The following INPP4B variants were observed in gnomAD, a reference collection of about 807,000 sequenced individuals.
INPP4B encodes inositol polyphosphate-4-phosphatase type II B.
INPP4B carries 55 observed loss-of-function variants against 122.5 expected under a neutral mutation model. That is an observed-to-expected ratio of 0.45 (90% confidence interval 0.36 to 0.56). The LOEUF is 0.56. INPP4B is among the 20% of genes least tolerant of loss of function. INPP4B has a pLI of 0.00. For synonymous variants in INPP4B, 403 were observed against 388.7 expected (o/e 1.04, Z -0.43); for missense variants, 1,000 against 1,097.7 (o/e 0.91, Z 1.26).
At chr4:142,267,280 G>A (rs1743284120) in intron 10 of INPP4B, among the ~76,000 whole-genome samples, 1 of 152,144 alleles carries the variant, frequency 6.6e-6, no homozygotes, top group Admixed American at 6.5e-5. Context: ...AACAAAACTG[G>A]AGGAATCATG....
chr4:142,780,876 C>T (rs1002954718), intron 1 of INPP4B, among the ~76,000 whole-genome samples: 1 of 152,106 alleles, frequency 6.6e-6, no homozygotes, highest in South Asian at 2.1e-4. Context: ...TAATATACTT[C>T]TCATAAAGGT....
intron 12 of INPP4B, among the ~76,000 whole-genome samples, chr4:142,209,787 C>G (rs1377910438): frequency 1.3e-5 from 1 of 75,800 alleles, no homozygotes; most frequent in Non-Finnish European, 2.4e-5. Flanking sequence ...AGTAAGACCC[C>G]GTCTCAAAAA....
In INPP4B at chr4:142,082,224, G is replaced by A. The variant is rs375734598; in HGVS notation, c.2488-39C>T. On this transcript the variant is annotated intron_variant, in intron 24 of 25. Coordinates refer to ENST00000262992, the MANE Select transcript of INPP4B (RefSeq NM_001101669.3). ...AAGAACGAACGTTTCTTGTTCATTT[G>A]TAATACCGTAAAGTGTCGGCCTCCT... is the stretch of plus-strand genomic sequence containing the variant. 19 of 1,464,464 alleles carry A rather than the reference G, an allele frequency of 1.3e-5. No homozygotes were observed. The Admixed American group carries it at 2.3e-4, about 18-fold the overall frequency. 90.7% of individuals were successfully genotyped at this position (1,464,464 alleles called of 1,614,324 possible). A position where few individuals can be genotyped will look rare whatever the true frequency, so the allele number is the denominator to read the frequency against.
chr4:142,790,664 A>T (rs1206034527), intron 1 of INPP4B, among the ~76,000 whole-genome samples: 1 of 151,348 alleles, frequency 6.6e-6, no homozygotes, highest in Non-Finnish European at 1.5e-5. Flanking sequence ...AACAAAAAAC[A>T]AAAACAAAAA....
chr4:142,129,713 C>T (rs1003166372), intron 18 of INPP4B, among the ~76,000 whole-genome samples: 1 of 152,172 alleles, frequency 6.6e-6, no homozygotes, highest in African/African-American at 2.4e-5. Context: ...CTTCTCCAAC[C>T]AAGCCTTCCT....
chr4:142,694,777 C>CT (rs1553992154), intron 2 of INPP4B, among the ~76,000 whole-genome samples: 1 of 152,118 alleles, frequency 6.6e-6, no homozygotes, highest in Non-Finnish European at 1.5e-5. Flanking sequence ...AGAGGGTTCA[C>CT]GCTGAGAAGA....
chr4:142,782,065 C>A (rs1206340620), intron 1 of INPP4B, among the ~76,000 whole-genome samples: 1 of 151,520 alleles, frequency 6.6e-6, no homozygotes, highest in Non-Finnish European at 1.5e-5. Flanking sequence ...ATGTGCCATG[C>A]TGGTGTGCTG....
At chr4:142,625,591 C>A (rs1198043146) in intron 2 of INPP4B, among the ~76,000 whole-genome samples, 1 of 152,064 alleles carries the variant, frequency 6.6e-6, no homozygotes, top group Non-Finnish European at 1.5e-5. Context: ...CCATCCCCAT[C>A]AAGCTACCAA....
rs56300337 is a variant in INPP4B, at chr4:142,705,458, A to AACACACACACAC, written c.-191+20369_-191+20380dup. On this transcript the variant is annotated intron_variant, in intron 2 of 25. Coordinates refer to ENST00000262992, the MANE Select transcript of INPP4B (RefSeq NM_001101669.3). ...AGTCTCTCTACCCATTCCCACCCCA[A>AACACACACACAC]ACACACACACACACACACACACACA... Among the ~76,000 whole-genome samples, 1,029 of 146,266 alleles carry AACACACACACAC rather than the reference A, an allele frequency of 7.0e-3. 14 individuals are homozygous for AACACACACACAC. Among genetic ancestry groups the AACACACACACAC allele is most frequent in the African/African-American group, 0.025 (981 of 39,004 alleles).
chr4:142,187,476 G>A (rs1342582223), intron 15 of INPP4B, among the ~76,000 whole-genome samples: 2 of 152,000 alleles, frequency 1.3e-5, no homozygotes, highest in African/African-American at 4.8e-5. Context: ...TATAAATGAA[G>A]AGTATTATAT....
chr4:142,565,460 A>G (rs1731429255), intron 2 of INPP4B, among the ~76,000 whole-genome samples: 1 of 152,212 alleles, frequency 6.6e-6, no homozygotes, highest in Non-Finnish European at 1.5e-5. Context: ...CTGTACTAAC[A>G]CAAATAAGTG....
chr4:142,433,821 G>A (rs1809851678), intron 3 of INPP4B, among the ~76,000 whole-genome samples: 1 of 152,060 alleles, frequency 6.6e-6, no homozygotes, highest in Non-Finnish European at 1.5e-5. Context: ...GCCCTTAGTT[G>A]TTATGGTTCC....
chr4:142,472,572 T>C (rs17016179), intron 2 of INPP4B, among the ~76,000 whole-genome samples: 3,236 of 152,314 alleles, frequency 0.021, 114 homozygotes, highest in African/African-American at 0.072. Flanking sequence ...ATTCTTTATG[T>C]TCCCATTTTA....
chr4:142,779,227 C>T (rs944711039), intron 1 of INPP4B, among the ~76,000 whole-genome samples: 13 of 151,794 alleles, frequency 8.6e-5, no homozygotes, highest in Non-Finnish European at 1.5e-4. Flanking sequence ...GTAACAAGTA[C>T]TAAAAGTATT....
chr4:142,653,902 T>C (rs1039823561), intron 2 of INPP4B, among the ~76,000 whole-genome samples: 1 of 152,198 alleles, frequency 6.6e-6, no homozygotes, highest in Non-Finnish European at 1.5e-5. Context: ...ATCATGCTAC[T>C]ATAAAGACAC....
At chr4:142,547,221 T>A (rs1205635295) in intron 2 of INPP4B, among the ~76,000 whole-genome samples, 5 of 151,678 alleles carry the variant, frequency 3.3e-5, no homozygotes, top group Admixed American at 6.6e-5. Context: ...TCATAGAGCA[T>A]ATCCCCAAAT....
At chr4:142,101,471 C>G (rs1263960520) in intron 23 of INPP4B, among the ~76,000 whole-genome samples, 20 of 152,104 alleles carry the variant, frequency 1.3e-4, no homozygotes, top group Admixed American at 1.3e-3. Context: ...GATATATGTA[C>G]CAACTATATA....
At chr4:142,088,975 G>A (rs1014548478) in intron 23 of INPP4B, among the ~76,000 whole-genome samples, 8 of 152,156 alleles carry the variant, frequency 5.3e-5, no homozygotes, top group African/African-American at 1.7e-4. Flanking sequence ...ATTGGTGGGT[G>A]TTGGAGGGCA....
intron 2 of INPP4B, among the ~76,000 whole-genome samples, chr4:142,600,564 T>C (rs918876510): frequency 1.8e-4 from 28 of 151,484 alleles, no homozygotes; most frequent in Non-Finnish European, 2.9e-5. Context: ...AAATAAGTAA[T>C]AAAAAAGACT....
Sources: gnomAD v4.1 joint callset for allele counts (sites outside exome capture counted in the v4.1 genomes callset) on GRCh38, gnomAD v4.1.1 for gene constraint, MANE v1.5 for transcripts, NCBI Gene and HGNC (gene_info 2026-07-23, HGNC 2026-07-21) for gene names.